Variants in ZNF565 observed in about 807,000 individuals in gnomAD.
The protein encoded by ZNF565 is zinc finger protein 565.
ZNF565 carries 27 observed loss-of-function variants against 39.4 expected under a neutral mutation model. The observed-to-expected ratio is 0.69, with a 90% CI of 0.51 to 0.95. The LOEUF (loss-of-function observed/expected upper bound fraction) is 0.95. Among genes scored for constraint, ZNF565 ranks in the 40% least tolerant of loss-of-function variants. The probability of loss-of-function intolerance (pLI) is 0.00; values close to 1 mark genes in which losing one functional copy is unlikely to be tolerated. For synonymous variants in ZNF565, 185 were observed against 216.6 expected (o/e 0.85, Z 1.28); for missense variants, 524 against 621.1 (o/e 0.84, Z 1.66).
intron 4 of ZNF565, among the ~76,000 whole-genome samples, chr19:36,185,793 A>G (rs1210475093): frequency 6.8e-6 from 1 of 147,390 alleles, no homozygotes; most frequent in Non-Finnish European, 1.5e-5. Flanking sequence ...TCCCAGGTTC[A>G]AGTGATTCTC....
chr19:36,212,059 G>A (rs1352823709), intron 1 of ZNF565, among the ~76,000 whole-genome samples: 2 of 152,168 alleles, frequency 1.3e-5, no homozygotes, highest in Admixed American at 6.5e-5. Flanking sequence ...TTAACCAAGC[G>A]GTTAAAATTA....
intron 4 of ZNF565, among the ~76,000 whole-genome samples, chr19:36,191,241 G>A: frequency 6.6e-6 from 1 of 150,870 alleles, no homozygotes; most frequent in Admixed American, 6.6e-5. Flanking sequence ...AAGATGGTAT[G>A]GTAAAGATGT....
intron 2 of ZNF565, among the ~76,000 whole-genome samples, chr19:36,200,571 C>T (rs1975922131): frequency 6.6e-6 from 1 of 151,820 alleles, no homozygotes; most frequent in Admixed American, 6.6e-5. Context: ...TCACTGCAAC[C>T]TCTGCCTCCT....
intron 1 of ZNF565, among the ~76,000 whole-genome samples, chr19:36,204,643 G>C (rs998828100): frequency 1.3e-5 from 2 of 152,126 alleles, no homozygotes; most frequent in Admixed American, 6.6e-5. Flanking sequence ...AATTTAATTA[G>C]CTCTAGAATC....
intron 1 of ZNF565, chr19:36,235,525 T>C (rs1977614577): frequency 1.3e-5 from 2 of 152,174 alleles, no homozygotes; most frequent in Non-Finnish European, 2.9e-5. Context: ...TTATTGCTAG[T>C]AATGGGAAAA....
chr19:36,217,621 G>T (rs1001809837), upstream of ZNF565, among the ~76,000 whole-genome samples: 5 of 151,968 alleles, frequency 3.3e-5, no homozygotes, highest in Non-Finnish European at 7.4e-5. Flanking sequence ...ATAAGAATAT[G>T]TATTTATAAT....
In ZNF565 at chr19:36,231,772, C is replaced by T. The variant is rs560891475; in HGVS notation, c.55+13704G>A. 7.2e-5 allele frequency among the ~76,000 whole-genome samples: 11 copies of T among 152,242 alleles called. 1 individual carries two copies. The South Asian group carries it at 2.3e-3, about 32-fold the overall frequency. ...TAGGATCAGTCAAGCCTTAAAAAGA[C>T]ACACTAAGCTCTCTTTAATAGAGAA... On this transcript the variant is annotated intron_variant, in intron 1 of 4. Transcript: ENST00000355114.
chr19:36,236,822 T>C (rs1977660490), intron 1 of ZNF565: 1 of 1,613,970 alleles, frequency 6.2e-7, no homozygotes, highest in African/African-American at 1.3e-5. Context: ...AGAGAAGCCC[T>C]TTGTATGTAA....
rs141488274 is a variant in ZNF565 at position 36,195,866 on chromosome 19, T to A, written c.10-710A>T. On this transcript the variant is annotated intron_variant, in intron 2 of 4. Coordinates refer to ENST00000304116, the MANE Select transcript of ZNF565 (RefSeq NM_152477.5). ...CCCACCTGACCCATTTTAAATGAGGTTAAAATTGATGAGTAGGGTCAGGTT... is the reference window on the plus strand; with the variant it reads ...CCCACCTGACCCATTTTAAATGAGGATAAAATTGATGAGTAGGGTCAGGTT... 1.3e-4 allele frequency among the ~76,000 whole-genome samples: 19 copies of A among 148,564 alleles called. No homozygotes were observed. The East Asian group carries it at 3.9e-3, about 31-fold the overall frequency.
intron 1 of ZNF565, among the ~76,000 whole-genome samples, chr19:36,230,528 T>G (rs1977285848): frequency 6.6e-6 from 1 of 152,260 alleles, no homozygotes; most frequent in South Asian, 2.1e-4. Context: ...AAGGTCTCAC[T>G]GAATGCCATT....
chr19:36,185,236 G>C (rs761666066), intron 4 of ZNF565, among the ~76,000 whole-genome samples: 2 of 151,990 alleles, frequency 1.3e-5, no homozygotes, highest in Non-Finnish European at 1.5e-5. Flanking sequence ...CCAACATGAA[G>C]AAACCCTGTC....
At chr19:36,188,291 G>T (rs1346541021) in intron 4 of ZNF565, among the ~76,000 whole-genome samples, 2 of 151,596 alleles carry the variant, frequency 1.3e-5, no homozygotes, top group Non-Finnish European at 2.9e-5. Flanking sequence ...GGAGGCGGAG[G>T]TTGCAGTGAG....
At chr19:36,196,908 T>G (rs942690819) in intron 2 of ZNF565, among the ~76,000 whole-genome samples, 12 of 151,408 alleles carry the variant, frequency 7.9e-5, no homozygotes, top group African/African-American at 2.9e-4. Context: ...ATACAAAAAA[T>G]TAGCTGCGCG....
At chr19:36,185,242 C>T (rs1442550270) in intron 4 of ZNF565, among the ~76,000 whole-genome samples, 1 of 151,892 alleles carries the variant, frequency 6.6e-6, no homozygotes, top group Non-Finnish European at 1.5e-5. Flanking sequence ...TGAAGAAACC[C>T]TGTCTCTACT....
intron 2 of ZNF565, among the ~76,000 whole-genome samples, chr19:36,198,033 C>T (rs915675821): frequency 1.3e-4 from 20 of 151,986 alleles, no homozygotes; most frequent in African/African-American, 4.6e-4. Context: ...CCTGTAATCC[C>T]AGCTACTTGG....
At chr19:36,206,779 T>C (rs950193332) in intron 1 of ZNF565, among the ~76,000 whole-genome samples, 9 of 151,590 alleles carry the variant, frequency 5.9e-5, no homozygotes, top group East Asian at 2.0e-4. Context: ...TTGTAGTGAG[T>C]TGATATTGTG....
chr19:36,194,922 G>A, intron 3 of ZNF565, 108 bp downstream of exon 3: 2 of 1,544,676 alleles, frequency 1.3e-6, no homozygotes, highest in Non-Finnish European at 8.9e-7. Flanking sequence ...CGTCTCCTGT[G>A]ACAGTTTCCT....
chr19:36,236,052 G>A (rs1977634005), intron 1 of ZNF565: 2 of 180,864 alleles, frequency 1.1e-5, no homozygotes, highest in Non-Finnish European at 2.3e-5. Flanking sequence ...ACTGAATGTG[G>A]GGGAACTGTT....
chr19:36,218,643 G>C (rs1976712751), upstream of ZNF565, among the ~76,000 whole-genome samples: 1 of 151,442 alleles, frequency 6.6e-6, no homozygotes, highest in Non-Finnish European at 1.5e-5. Flanking sequence ...TTTTGTTTTT[G>C]TATTTTTAGT....
Sources: allele counts gnomAD v4.1 joint callset (sites outside exome capture counted in the v4.1 genomes callset), GRCh38; gene constraint gnomAD v4.1.1; transcripts MANE v1.5; gene names NCBI Gene and HGNC (gene_info 2026-07-23, HGNC 2026-07-21).